The following NR2F2 variants were observed in gnomAD, a reference collection of about 807,000 sequenced individuals.
The protein encoded by NR2F2 is COUP transcription factor 2.
In NR2F2, 2 loss-of-function variants were observed where a neutral mutation model predicts 34.8. That is an observed-to-expected ratio of 0.06 (90% CI 0.02 to 0.18). The LOEUF (loss-of-function observed/expected upper bound fraction) is 0.18. Among genes scored for constraint, NR2F2 ranks in the 10% least tolerant of loss-of-function variants. The pLI, the probability that NR2F2 is intolerant of heterozygous loss-of-function variation, is 1.00. For missense variants in NR2F2, 300 were observed against 580.1 expected (o/e 0.52, Z 4.96); for synonymous variants, 274 against 251.8 (o/e 1.09, Z -0.84).
At chr15:96,336,355 C>A (rs974040925) in intron 2 of NR2F2, among the ~76,000 whole-genome samples, 1 of 152,178 alleles carries the variant, frequency 6.6e-6, no homozygotes, top group Non-Finnish European at 1.5e-5. Context: ...TCCACAGACA[C>A]CTCTACATTC....
In NR2F2 at chr15:96,331,082, G is replaced by GGCAGCAGCGGCA. The variant is rs1028613992; in HGVS notation, c.-1018_-1007dup. 49 of 1,225,714 alleles carry GGCAGCAGCGGCA rather than the reference G, an allele frequency of 4.0e-5. No homozygotes were observed. The highest frequency in any genetic ancestry group is 4.8e-5 in the Non-Finnish European group (47 of 985,088). 75.9% of individuals were successfully genotyped at this position (1,225,714 alleles called of 1,614,324 possible). On this transcript the variant is annotated 5_prime_UTR_variant, in exon 1 of 3. Coordinates refer to ENST00000394166, the MANE Select transcript of NR2F2 (RefSeq NM_021005.4). ...CAGCAGCAGCAGCGGCTCCGGCGGC[G>GGCAGCAGCGGCA]GCAGCAGCGGCAGCAGCGACTTCAG...
At chr15:96,336,979 A>G (rs1899346583) in intron 2 of NR2F2, among the ~76,000 whole-genome samples, 2 of 151,956 alleles carry the variant, frequency 1.3e-5, no homozygotes, top group African/African-American at 4.8e-5. Flanking sequence ...GAGTGCTGGT[A>G]GTTTTGGTTT....
chr15:96,332,602 G>T, intron 1 of NR2F2, 55 bp downstream of exon 1: 2 of 1,584,012 alleles, frequency 1.3e-6, no homozygotes, highest in Non-Finnish European at 1.7e-6. Context: ...TCCTGGGTAC[G>T]TTTGGCTAGC....
rs1325603764 is a variant in NR2F2, at chr15:96,332,644, T to A, written c.442+97T>A. On this transcript the variant is annotated intron_variant, in intron 1 of 2. Coordinates refer to ENST00000394166, the MANE Select transcript of NR2F2 (RefSeq NM_021005.4). ...TGGGTAAGGACAAGAAGCCCCAAGC[T>A]CTTCTCTTCGTATTGCAGCGGAAAA... 5 of 1,504,442 alleles carry A rather than the reference T, an allele frequency of 3.3e-6. No homozygotes were observed. In the East Asian group the frequency reaches 1.2e-4, roughly 36 times the overall value. 93.2% of individuals were successfully genotyped at this position (1,504,442 alleles called of 1,614,324 possible).
chr15:96,334,633 AC>A (rs1899264686), intron 2 of NR2F2, 30 bp downstream of exon 2: 1 of 1,558,876 alleles, frequency 6.4e-7, no homozygotes, highest in Admixed American at 1.9e-5. Context: ...TCTCGTGCCC[AC>A]GGGCTCCTAG....
chr15:96,328,350 T>C (rs1899045593), upstream of NR2F2, among the ~76,000 whole-genome samples: 1 of 152,250 alleles, frequency 6.6e-6, no homozygotes, highest in African/African-American at 2.4e-5. Context: ...TCCTCCTCGA[T>C]ATTGTTCCTT....
rs1486621044 is a variant in NR2F2 at position 96,339,506 on chromosome 15, A to G, written c.*1884A>G. The G allele has an allele frequency of 6.6e-6, 1 of 152,118 alleles. No homozygotes were observed. Among genetic ancestry groups the G allele is most frequent in the Non-Finnish European group, 1.5e-5 (1 of 68,020 alleles). The allele number at this position is 152,118 out of a possible 1,614,324, so 9.4% of individuals were successfully genotyped here. A position where few individuals can be genotyped will look rare whatever the true frequency, so the allele number is the denominator to read the frequency against. On this transcript the variant is annotated 3_prime_UTR_variant, in exon 3 of 3. Coordinates refer to ENST00000394166, the MANE Select transcript of NR2F2 (RefSeq NM_021005.4). ...AGAGCATGACCACAGGGTCAAGGGA[A>G]TCTTTTCCATTGGAGTTATGTACAT...
rs1899128252 is a variant in NR2F2 at position 96,331,157 on chromosome 15, TCGGCGGCGGCTC to T, written c.-941_-930del. 3.4e-5 allele frequency: 34 copies of T among 1,005,658 alleles called. No homozygotes were observed. The highest frequency in any genetic ancestry group is 1.4e-4 in the South Asian group (3 of 21,996). 62.3% of individuals were successfully genotyped at this position (1,005,658 alleles called of 1,614,324 possible). A position where few individuals can be genotyped will look rare whatever the true frequency, so the allele number is the denominator to read the frequency against. On this transcript the variant is annotated 5_prime_UTR_variant, in exon 1 of 3. Transcript: ENST00000394166. ...CGGCTCCGGGCCCGACCCGGCGGCT[TCGGCGGCGGCTC>T]CGGCGGCAGCGGCGGCCCGGGCGGC...
Position 96,331,031 on chromosome 15 carries a change from C to G in NR2F2, c.-1075C>G. ...CGCCGCCGGCGAGTTGACTCTTTCC[C>G]TATGTGTGTGAGGCGGCGGCGGCAG... On this transcript the variant is annotated 5_prime_UTR_variant, in exon 1 of 3. Transcript: ENST00000394166. 9 of 1,237,208 alleles carry G rather than the reference C, an allele frequency of 7.3e-6. No individual in the cohort carries two copies. Among genetic ancestry groups the G allele is most frequent in the Non-Finnish European group, 9.1e-6 (9 of 993,138 alleles). The allele number at this position is 1,237,208 out of a possible 1,614,324, so 76.6% of individuals were successfully genotyped here. A position where few individuals can be genotyped will look rare whatever the true frequency, so the allele number is the denominator to read the frequency against.
In NR2F2 at chr15:96,332,450, C is replaced by T; in HGVS notation, c.345C>T (p.Cys115=). The T allele has an allele frequency of 6.2e-7, 1 of 1,614,236 alleles. No individual in the cohort carries two copies. Among genetic ancestry groups the T allele is most frequent in the Admixed American group, 1.7e-5 (1 of 60,030 alleles). The change falls in exon 1 of 3, where the codon TGC becomes TGT. Residue 115 remains cysteine (C), a synonymous_variant. Transcript: ENST00000394166. ...RSVRRNLSYT[C]RANRNCPIDQ... ...TGCGGAGGAACCTGAGCTACACGTGCCGCGCCAACCGGAACTGTCCCATCG... is the reference window on the plus strand; with the variant it reads ...TGCGGAGGAACCTGAGCTACACGTGTCGCGCCAACCGGAACTGTCCCATCG...
chr15:96,326,415 T>G, upstream of NR2F2: 1 of 1,425,442 alleles, frequency 7.0e-7, no homozygotes, highest in Non-Finnish European at 9.9e-7. The surrounding 1 kb of genome is among the most constrained non-coding windows in gnomAD (Gnocchi z 5.5). Context: ...GCTTGTGCTG[T>G]GTGGGGTTGG....
rs1467592309 is a variant in NR2F2, at chr15:96,334,419, G to A, written c.786G>A (p.Met262Ile). 1 of 1,613,826 alleles carries A rather than the reference G, an allele frequency of 6.2e-7. No homozygotes were observed. Among genetic ancestry groups the A allele is most frequent in the African/African-American group, 1.3e-5 (1 of 74,928 alleles). The change falls in exon 2 of 3, where the codon ATG (methionine) becomes ATA (isoleucine). Residue 262 changes from methionine (M) to isoleucine (I), a missense_variant. Met to Ile is a conservative substitution (Grantham distance 10). Around this residue, in one of 6 missense-constraint regions of NR2F2, gnomAD observed 164 missense variants for 365.3 expected, o/e 0.45. Coordinates refer to ENST00000394166, the MANE Select transcript of NR2F2 (RefSeq NM_021005.4). ...LFVLNAAQCS[M>I]PLHVAPLLAA... ...TGTTGAATGCGGCGCAGTGCTCCAT[G>A]CCCCTCCACGTCGCCCCGCTCCTGG... is the stretch of plus-strand genomic sequence containing the variant.
At position 96,337,766 on chromosome 15, in the gene NR2F2, T is replaced by G. The variant is rs1899377466; in HGVS notation, c.*144T>G. ...AAGAGAGGGGAAGAATTTAATGGACTGTGAATTTCAAAAAAAAAAAAAAAG... is the reference window on the plus strand; with the variant it reads ...AAGAGAGGGGAAGAATTTAATGGACGGTGAATTTCAAAAAAAAAAAAAAAG... On this transcript the variant is annotated 3_prime_UTR_variant, in exon 3 of 3. Coordinates refer to ENST00000394166, the MANE Select transcript of NR2F2 (RefSeq NM_021005.4). 3.9e-6 allele frequency: 2 copies of G among 509,004 alleles called. No homozygotes were observed. Among genetic ancestry groups the G allele is most frequent in the African/African-American group, 2.5e-5 (1 of 40,016 alleles). 31.5% of individuals were successfully genotyped at this position (509,004 alleles called of 1,614,324 possible).
In NR2F2 at chr15:96,332,556, C is replaced by T. The variant is rs1426653205; in HGVS notation, c.442+9C>T. 7 of 1,604,360 alleles carry T rather than the reference C, an allele frequency of 4.4e-6. No individual in the cohort carries two copies. The highest frequency in any genetic ancestry group is 1.1e-5 in the South Asian group (1 of 90,920). Reference sequence around the variant, plus strand: ...GGGCATGAGACGGGAAGGTATCGGCCTCTCATTTCTCCTTCCCTCGTCCTG... The same window carrying T: ...GGGCATGAGACGGGAAGGTATCGGCTTCTCATTTCTCCTTCCCTCGTCCTG... On this transcript the variant is annotated intron_variant, in intron 1 of 2. Transcript: ENST00000394166.
rs117200490 is a variant in NR2F2 at position 96,335,846 on chromosome 15, C to A, written c.970+1243C>A. 7.9e-4 allele frequency among the ~76,000 whole-genome samples: 121 copies of A among 152,350 alleles called. 1 individual carries two copies. In the East Asian group the frequency reaches 0.02, roughly 25 times the overall value. On this transcript the variant is annotated intron_variant, in intron 2 of 2. Coordinates refer to ENST00000394166, the MANE Select transcript of NR2F2 (RefSeq NM_021005.4). ...CTGTCTTGTACATTGCTGCTTTCCA[C>A]ATAAAACCTCCCAGCACAGCCACCC... is the stretch of plus-strand genomic sequence containing the variant.
upstream of NR2F2, among the ~76,000 whole-genome samples, chr15:96,328,320 A>G (rs1250656636): frequency 6.6e-6 from 1 of 152,220 alleles, no homozygotes; most frequent in Non-Finnish European, 1.5e-5. Context: ...AAAAATCTCT[A>G]AGTGGACTGG....
At chr15:96,328,667 C>G (rs963960496), upstream of NR2F2, among the ~76,000 whole-genome samples, 2 of 152,068 alleles carry the variant, frequency 1.3e-5, no homozygotes, top group Non-Finnish European at 2.9e-5. Context: ...TATTGTGTCT[C>G]TAATTAACCT....
At chr15:96,335,869 C>T (rs1364889614) in intron 2 of NR2F2, among the ~76,000 whole-genome samples, 1 of 152,244 alleles carries the variant, frequency 6.6e-6, no homozygotes, top group Non-Finnish European at 1.5e-5. Flanking sequence ...AGCACAGCCA[C>T]CCCAAATTCT....
chr15:96,326,302 G>A, upstream of NR2F2: 1 of 1,612,934 alleles, frequency 6.2e-7, no homozygotes, highest in South Asian at 1.1e-5. This position sits in a 1 kb window ranked among gnomAD's most constrained non-coding sequence, Gnocchi z 5.5. Flanking sequence ...TTCCAGTTTA[G>A]GAGGAAGATG....
Sources: gnomAD v4.1 joint callset for allele counts (sites outside exome capture counted in the v4.1 genomes callset) on GRCh38, gnomAD v4.1.1 for gene constraint, gnomAD v4.1.1 regional missense constraint, Gnocchi (gnomAD v3.1) non-coding constraint, MANE v1.5 for transcripts, NCBI Gene and HGNC (gene_info 2026-07-23, HGNC 2026-07-21) for gene names.